Variants in ANGEL1 observed in about 807,000 individuals in gnomAD.
ANGEL1 encodes RNA 2',3'-cyclic phosphatase ANGEL1.
Under a neutral mutation model 76.4 loss-of-function variants are expected in ANGEL1, and 62 were observed. That is an observed-to-expected ratio of 0.81 (90% CI 0.66 to 1.00). The LOEUF (loss-of-function observed/expected upper bound fraction) is 1.00, where lower values mean the gene tolerates loss of function less well. ANGEL1 is among the 50% of genes least tolerant of loss of function. The probability of loss-of-function intolerance (pLI) is 0.00; values close to 1 mark genes in which losing one functional copy is unlikely to be tolerated. For synonymous variants in ANGEL1, 340 were observed against 331.7 expected (o/e 1.03, Z -0.27); for missense variants, 737 against 836.7 (o/e 0.88, Z 1.47).
intron 5 of ANGEL1, chr14:76,804,416 C>T (rs1159568070): frequency 1.0e-6 from 1 of 1,000,664 alleles, no homozygotes; most frequent in Non-Finnish European, 1.2e-6. Context: ...AATGAGCAGC[C>T]TGGGAACGGA....
rs560727388 is a variant in ANGEL1, at chr14:76,799,363, G to A, written c.1618+4008C>T. On this transcript the variant is annotated intron_variant, in intron 7 of 9. Transcript: ENST00000251089. Reference sequence around the variant, plus strand: ...GGCTGGAGTACAGCGGTGTAATCTCGGCTCACTGCAAGCTCTGCCTCCCGC... The same window carrying A: ...GGCTGGAGTACAGCGGTGTAATCTCAGCTCACTGCAAGCTCTGCCTCCCGC... Among the ~76,000 whole-genome samples the A allele has an allele frequency of 2.4e-5, 3 of 123,078 alleles. No homozygotes were observed. The South Asian group carries it at 8.2e-4, about 34-fold the overall frequency. The allele number at this position is 123,078 out of a possible 152,430, so 80.7% of individuals were successfully genotyped here.
At chr14:76,805,452 T>C (rs997647003) in intron 5 of ANGEL1, among the ~76,000 whole-genome samples, 1 of 152,178 alleles carries the variant, frequency 6.6e-6, no homozygotes, top group Non-Finnish European at 1.5e-5. Context: ...TTACATAAAA[T>C]CCCATGTGCG....
intron 7 of ANGEL1, 77 bp from the exon 8 acceptor site, chr14:76,791,443 C>A: frequency 7.4e-7 from 1 of 1,360,240 alleles, no homozygotes; most frequent in Non-Finnish European, 1.0e-6. Context: ...ACCCTAAAAT[C>A]CCTCTCAGAT....
At chr14:76,804,985 G>A (rs1246531116) in intron 5 of ANGEL1, among the ~76,000 whole-genome samples, 1 of 151,538 alleles carries the variant, frequency 6.6e-6, no homozygotes, top group African/African-American at 2.4e-5. Flanking sequence ...ACTCCAGCCT[G>A]GGCAACAGAG....
intron 1 of ANGEL1, chr14:76,809,945 T>C (rs1895035763): frequency 2.3e-6 from 1 of 440,362 alleles, no homozygotes; most frequent in Non-Finnish European, 4.2e-6. Flanking sequence ...TGGGCACATA[T>C]ACCCACACTC....
chr14:76,808,849 C>G (rs1894999357), intron 2 of ANGEL1, among the ~76,000 whole-genome samples: 1 of 152,200 alleles, frequency 6.6e-6, no homozygotes, highest in African/African-American at 2.4e-5. Context: ...GTTCTACTAC[C>G]TCTCTGCACT....
At chr14:76,803,331 G>A (rs1160564573) in intron 7 of ANGEL1, 40 bp downstream of exon 7, 31 of 1,528,072 alleles carry the variant, frequency 2.0e-5, no homozygotes, top group Non-Finnish European at 2.7e-5. Flanking sequence ...CAGGAATGAG[G>A]AAGAAAGAAG....
intron 7 of ANGEL1, among the ~76,000 whole-genome samples, chr14:76,794,570 C>G (rs1566696393): frequency 6.6e-6 from 1 of 151,298 alleles, no homozygotes; most frequent in African/African-American, 2.4e-5. Context: ...ACTCGGGAGG[C>G]TGAGGCAGAA....
chr14:76,807,506 G>A lies in ANGEL1; in HGVS notation c.877-4C>T. The A allele has an allele frequency of 6.2e-7, 1 of 1,613,270 alleles. No individual in the cohort carries two copies. Among genetic ancestry groups the A allele is most frequent in the African/African-American group, 1.3e-5 (1 of 75,022 alleles). On this transcript the variant is annotated splice_region_variant and splice_polypyrimidine_tract_variant and intron_variant, in intron 3 of 9. Coordinates refer to ENST00000251089, the MANE Select transcript of ANGEL1 (RefSeq NM_015305.4). ...GGACTTCCTGGAGACACAGGATCTG[G>A]GAAATTGACAAGAAACCCAATCACT... is the stretch of plus-strand genomic sequence containing the variant.
chr14:76,809,414 A>C lies in ANGEL1; in HGVS notation c.294T>G (p.Pro98=), dbSNP rs753047528. ...CCTCTGAAGCAGCATTCTCTTCTCC[A>C]GGATTATCCATCAGAAGTGCCAGGC... ...QSSLALLMDN[P]GEENAASEDR... The change falls in exon 2 of 10, where the codon CCT becomes CCG. Residue 98 remains proline, a synonymous_variant. Transcript: ENST00000251089. 6.2e-7 allele frequency: 1 copy of C among 1,614,252 alleles called. No homozygotes were observed. Among genetic ancestry groups the C allele is most frequent in the Non-Finnish European group, 8.5e-7 (1 of 1,180,046 alleles).
intron 1 of ANGEL1, chr14:76,812,529 T>C: frequency 8.0e-7 from 1 of 1,245,130 alleles, no homozygotes; most frequent in Non-Finnish European, 1.0e-6. Flanking sequence ...CCGGACGCCA[T>C]CTGACAACAG....
At chr14:76,799,808 G>A (rs964102423) in intron 7 of ANGEL1, among the ~76,000 whole-genome samples, 1 of 151,942 alleles carries the variant, frequency 6.6e-6, no homozygotes, top group Non-Finnish European at 1.5e-5. Flanking sequence ...GAAGGTTGAG[G>A]TGGGAGGATC....
At chr14:76,810,285 G>T (rs1210899803) in intron 1 of ANGEL1, 1 of 451,758 alleles carries the variant, frequency 2.2e-6, no homozygotes, top group Admixed American at 2.4e-5. Context: ...GCCAAGTACG[G>T]TGGCACATGC....
In ANGEL1 at chr14:76,812,782, G is replaced by A. The variant is rs1290836650; in HGVS notation, c.46C>T (p.Leu16Phe). The change falls in exon 1 of 10, where the codon CTC becomes TTC. Residue 16 changes from leucine to phenylalanine, a missense_variant. Transcript: ENST00000251089. Reference sequence around the variant, plus strand: ...CCGGTACCTGAGAGGGCGCGGAAGAGGCGCGTGGCCGGCAGCAGCAGGTAA... The same window carrying A: ...CCGGTACCTGAGAGGGCGCGGAAGAAGCGCGTGGCCGGCAGCAGCAGGTAA... Reference protein sequence around the residue: ...LCYLLLPATRLFRALSDAFFT... With the variant: ...LCYLLLPATRFFRALSDAFFT... 6.6e-7 allele frequency: 1 copy of A among 1,522,744 alleles called. No individual in the cohort carries two copies. Among genetic ancestry groups the A allele is most frequent in the African/African-American group, 1.4e-5 (1 of 70,488 alleles). The allele number at this position is 1,522,744 out of a possible 1,614,324, so 94.3% of individuals were successfully genotyped here.
chr14:76,803,780 G>A lies in ANGEL1; in HGVS notation c.1507+6C>T, dbSNP rs756071756. On this transcript the variant is annotated splice_donor_region_variant and intron_variant, in intron 6 of 9. Coordinates refer to ENST00000251089, the MANE Select transcript of ANGEL1 (RefSeq NM_015305.4). ...ACAGCCAACCAAGAATGTGACATGTGCTCACCTGATCTCTTGGGGTGACAG... is the reference window on the plus strand; with the variant it reads ...ACAGCCAACCAAGAATGTGACATGTACTCACCTGATCTCTTGGGGTGACAG... 3.1e-6 allele frequency: 5 copies of A among 1,609,144 alleles called. No homozygotes were observed. The highest frequency in any genetic ancestry group is 1.7e-5 in the Admixed American group (1 of 59,606).
At chr14:76,801,986 T>C (rs1235331365) in intron 7 of ANGEL1, among the ~76,000 whole-genome samples, 1 of 151,482 alleles carries the variant, frequency 6.6e-6, no homozygotes, top group Admixed American at 6.6e-5. Flanking sequence ...GTGAAACCCC[T>C]GTCTCTACTA....
intron 7 of ANGEL1, among the ~76,000 whole-genome samples, chr14:76,796,261 C>CTTTTTTT (rs1249373857): frequency 1.5e-5 from 2 of 136,132 alleles, no homozygotes; most frequent in Admixed American, 7.4e-5. Context: ...TTTTCTTTTT[C>CTTTTTTT]TTTTTTTTTT....
rs1293812602 is a variant in ANGEL1, at chr14:76,806,560, C to T, written c.1236G>A (p.Ala412=). 1.1e-5 allele frequency: 18 copies of T among 1,614,166 alleles called. No homozygotes were observed. Among genetic ancestry groups the T allele is most frequent in the African/African-American group, 2.7e-5 (2 of 75,048 alleles). ...VKLAQMAILL[A]EVDKVARLSD... The stretch of plus-strand genomic sequence containing the variant: ...ACAGTCTGGCCACCTTGTCCACTTC[C>T]GCCAGGAGAATGGCCATCTGGGCCA... The change falls in exon 5 of 10, where the codon GCG becomes GCA. Residue 412 remains alanine (A), a synonymous_variant. Coordinates refer to ENST00000251089, the MANE Select transcript of ANGEL1 (RefSeq NM_015305.4).
chr14:76,800,585 ATGT>A (rs1005419909), intron 7 of ANGEL1, among the ~76,000 whole-genome samples: 1 of 152,244 alleles, frequency 6.6e-6, no homozygotes, highest in Non-Finnish European at 1.5e-5. Context: ...TCTTGAAGAA[ATGT>A]TGTTAGTTGA....
Sources: allele counts gnomAD v4.1 joint callset (sites outside exome capture counted in the v4.1 genomes callset), GRCh38; gene constraint gnomAD v4.1.1; transcripts MANE v1.5; gene names NCBI Gene and HGNC (gene_info 2026-07-23, HGNC 2026-07-21).